The following RGS6 variants were observed in gnomAD, a reference collection of about 807,000 sequenced individuals.
RGS6 encodes regulator of G-protein signaling 6.
RGS6 carries 30 observed loss-of-function variants against 78.5 expected under a neutral mutation model. That is an observed-to-expected ratio of 0.38 (90% CI 0.29 to 0.52). The LOEUF (loss-of-function observed/expected upper bound fraction) is 0.52, where lower values mean the gene tolerates loss of function less well. Among genes scored for constraint, RGS6 ranks in the 20% least tolerant of loss-of-function variants. The probability of loss-of-function intolerance (pLI) is 0.85; values close to 1 mark genes in which losing one functional copy is unlikely to be tolerated. For synonymous variants in RGS6, 206 were observed against 206.0 expected, an observed-to-expected ratio of 1.00 and a Z score of 0.00; for missense variants, 495 against 609.7, an observed-to-expected ratio of 0.81 and a Z score of 1.98.
At chr14:71,992,296 G>C (rs2094991835) in intron 2 of RGS6, among the ~76,000 whole-genome samples, 2 of 152,200 alleles carry the variant, frequency 1.3e-5, no homozygotes, top group South Asian at 2.1e-4. Context: ...GCCTCCCAAA[G>C]TGTTGGGATT....
chr14:71,907,630 G>A, the RGS6 span, among the ~76,000 whole-genome samples: 1 of 151,730 alleles, frequency 6.6e-6, no homozygotes, highest in Non-Finnish European at 1.5e-5. Context: ...GGGGGGATAT[G>A]TTCAGATTTA....
chr14:72,369,575 C>G (rs748838034), intron 3 of RGS6, among the ~76,000 whole-genome samples: 15 of 151,798 alleles, frequency 9.9e-5, no homozygotes, highest in Non-Finnish European at 2.2e-4. Context: ...AATTGTGATT[C>G]ATTAACTGAA....
the RGS6 span, among the ~76,000 whole-genome samples, chr14:72,613,442 C>T: frequency 6.6e-6 from 1 of 152,204 alleles, no homozygotes; most frequent in African/African-American, 2.4e-5. Flanking sequence ...TGGGAAATGT[C>T]GCCATCAGCA....
intron 17 of RGS6, among the ~76,000 whole-genome samples, chr14:72,560,507 A>G (rs961461215): frequency 4.6e-5 from 7 of 152,184 alleles, no homozygotes; most frequent in Non-Finnish European, 8.8e-5. Flanking sequence ...TCTATGTAAG[A>G]AAGGGCACTC....
intron 2 of RGS6, among the ~76,000 whole-genome samples, chr14:72,342,859 G>A (rs1016875748): frequency 5.3e-5 from 8 of 151,906 alleles, no homozygotes; most frequent in African/African-American, 1.9e-4. Flanking sequence ...TTATAGACAG[G>A]CATCTTCCCT....
chr14:72,596,048 A>G, the RGS6 span, among the ~76,000 whole-genome samples: 1 of 152,240 alleles, frequency 6.6e-6, no homozygotes, highest in Non-Finnish European at 1.5e-5. Flanking sequence ...TGCTTAGAAT[A>G]ACCCTGTAGT....
intron 2 of RGS6, among the ~76,000 whole-genome samples, chr14:72,346,563 G>T (rs1239058292): frequency 1.3e-5 from 2 of 152,226 alleles, no homozygotes; most frequent in African/African-American, 4.8e-5. Flanking sequence ...TGGAGAGGAA[G>T]ATCTCAGAGA....
intron 2 of RGS6, among the ~76,000 whole-genome samples, chr14:72,291,695 G>T (rs2063604643): frequency 6.6e-6 from 1 of 152,140 alleles, no homozygotes. Context: ...AAGATGGAAA[G>T]GACAAGCCTG....
chr14:72,491,663 C>T (rs1016982390), intron 12 of RGS6, among the ~76,000 whole-genome samples: 1 of 152,142 alleles, frequency 6.6e-6, no homozygotes, highest in African/African-American at 2.4e-5. Flanking sequence ...AATTTTTATA[C>T]ATTTCTGTAT....
At chr14:72,074,353 A>G (rs990452666) in intron 2 of RGS6, among the ~76,000 whole-genome samples, 6 of 152,000 alleles carry the variant, frequency 3.9e-5, no homozygotes, top group Admixed American at 1.3e-4. Flanking sequence ...TTGCCACCAT[A>G]CCTAGCTGAT....
chr14:72,333,550 C>T (rs2075452496), intron 2 of RGS6, among the ~76,000 whole-genome samples: 1 of 152,226 alleles, frequency 6.6e-6, no homozygotes, highest in Admixed American at 6.5e-5. Context: ...TGTATTTACT[C>T]GGTTGGCACT....
chr14:72,504,966 C>T (rs148611614), intron 13 of RGS6, among the ~76,000 whole-genome samples: 1,453 of 108,336 alleles, frequency 0.013, 21 homozygotes, highest in African/African-American at 0.05. Context: ...TTAGTAGAGA[C>T]GGAGTTTTGC....
At chr14:72,251,904 A>C (rs1010431098) in intron 2 of RGS6, among the ~76,000 whole-genome samples, 3 of 152,256 alleles carry the variant, frequency 2.0e-5, no homozygotes, top group Admixed American at 2.0e-4. Flanking sequence ...CCTGTTTAAC[A>C]CAAGAATTTT....
intron 2 of RGS6, among the ~76,000 whole-genome samples, chr14:72,218,130 A>G (rs1028318446): frequency 6.6e-5 from 10 of 152,152 alleles, no homozygotes; most frequent in African/African-American, 9.6e-5. Context: ...GTTGTTTTCT[A>G]TTGTTGCTGC....
the RGS6 span, among the ~76,000 whole-genome samples, chr14:72,596,415 A>T: frequency 6.6e-6 from 1 of 152,200 alleles, no homozygotes; most frequent in Non-Finnish European, 1.5e-5. Flanking sequence ...TAGCAACCTT[A>T]GTTCCACCTG....
chr14:72,115,468 A>G (rs947219577), intron 2 of RGS6, among the ~76,000 whole-genome samples: 4 of 152,150 alleles, frequency 2.6e-5, no homozygotes, highest in African/African-American at 4.8e-5. Context: ...AGGAACTTCC[A>G]TGATGGAGGC....
intron 3 of RGS6, among the ~76,000 whole-genome samples, chr14:72,417,106 A>G (rs1261914728): frequency 1.3e-5 from 2 of 152,204 alleles, no homozygotes; most frequent in Admixed American, 6.5e-5. Flanking sequence ...CTCCCTAAGC[A>G]TGCCACCTGC....
chr14:72,545,181 C>T (rs192043228), intron 17 of RGS6, among the ~76,000 whole-genome samples: 17 of 152,350 alleles, frequency 1.1e-4, no homozygotes, highest in Admixed American at 9.8e-4. Flanking sequence ...GCAAACAGTC[C>T]TTGGACTCCT....
chr14:72,525,463 C>T (rs566225369), intron 15 of RGS6, among the ~76,000 whole-genome samples: 10 of 152,176 alleles, frequency 6.6e-5, no homozygotes, highest in African/African-American at 1.7e-4. Flanking sequence ...ATGAGGTCTG[C>T]GTGATAAAAG....
Sources: gnomAD v4.1 joint callset for allele counts (sites outside exome capture counted in the v4.1 genomes callset) on GRCh38, gnomAD v4.1.1 for gene constraint, MANE v1.5 for transcripts, NCBI Gene and HGNC (gene_info 2026-07-23, HGNC 2026-07-21) for gene names.